Variants in CFAP54 observed in about 807,000 individuals in gnomAD.
CFAP54 encodes cilia- and flagella-associated protein 54.
CFAP54 carries 290 observed loss-of-function variants against 370.4 expected under a neutral mutation model. The observed-to-expected ratio is 0.78, with a 90% CI of 0.71 to 0.86. The LOEUF (loss-of-function observed/expected upper bound fraction) is 0.86. CFAP54 is among the 40% of genes least tolerant of loss of function. The pLI is 0.00. For missense variants in CFAP54, 3,399 were observed against 3,528.7 expected, an observed-to-expected ratio of 0.96 and a Z score of 0.93; for synonymous variants, 1,206 against 1,236.5, an observed-to-expected ratio of 0.98 and a Z score of 0.52.
At chr12:96,636,060 C>A (rs893050068) in intron 32 of CFAP54, among the ~76,000 whole-genome samples, 1 of 152,154 alleles carries the variant, frequency 6.6e-6, no homozygotes, top group Admixed American at 6.5e-5. Flanking sequence ...ATTAAGATAA[C>A]CTATATCCTG....
At chr12:96,791,101 G>T (rs765277408) in intron 62 of CFAP54, among the ~76,000 whole-genome samples, 1 of 151,702 alleles carries the variant, frequency 6.6e-6, no homozygotes, top group Non-Finnish European at 1.5e-5. Flanking sequence ...GAAGTAGAGG[G>T]ACCAATTCCC....
intron 55 of CFAP54, among the ~76,000 whole-genome samples, chr12:96,753,031 G>A (rs1958206863): frequency 1.3e-5 from 2 of 152,166 alleles, no homozygotes; most frequent in Non-Finnish European, 2.9e-5. Context: ...AGGGTGGCTG[G>A]AATGTAGGAC....
chr12:96,853,556 A>G (rs573827336), intron 66 of CFAP54, among the ~76,000 whole-genome samples: 1 of 152,170 alleles, frequency 6.6e-6, no homozygotes, highest in Non-Finnish European at 1.5e-5. Context: ...TTTTACTTAA[A>G]AGAATTTTTA....
intron 26 of CFAP54, among the ~76,000 whole-genome samples, chr12:96,619,377 A>G (rs1410898856): frequency 6.6e-6 from 1 of 152,188 alleles, no homozygotes; most frequent in Non-Finnish European, 1.5e-5. Context: ...TAGGACATGT[A>G]AAACCTGATT....
intron 63 of CFAP54, among the ~76,000 whole-genome samples, chr12:96,801,332 A>G (rs1958817547): frequency 1.3e-5 from 2 of 152,216 alleles, no homozygotes; most frequent in African/African-American, 2.4e-5. Context: ...ATTATCTTTA[A>G]TAGAATATAA....
At chr12:96,531,695 G>A (rs574180062) in intron 9 of CFAP54, among the ~76,000 whole-genome samples, 21 of 151,928 alleles carry the variant, frequency 1.4e-4, no homozygotes, top group East Asian at 1.4e-3. Flanking sequence ...TTAATTATTT[G>A]TTTCAACAAT....
At chr12:96,837,013 G>T (rs1245776682) in intron 66 of CFAP54, among the ~76,000 whole-genome samples, 1 of 151,990 alleles carries the variant, frequency 6.6e-6, no homozygotes, top group East Asian at 1.9e-4. Context: ...ATAGCAATGA[G>T]GTCCCATCGT....
intron 9 of CFAP54, among the ~76,000 whole-genome samples, chr12:96,528,558 C>T (rs1207918067): frequency 6.6e-6 from 1 of 152,088 alleles, no homozygotes; most frequent in East Asian, 1.9e-4. Flanking sequence ...TCTGGTGCAG[C>T]CATCTGTACC....
In CFAP54 at chr12:96,519,017, C is replaced by T. The variant is rs1296238862; in HGVS notation, c.888C>T (p.Leu296=). ...SLRYLTWRAT[L]YTAVCQCCYD... is the part of the protein sequence containing the mutation. ...GGTACTTGACATGGCGCGCTACTCTCTACACAGCTGTTTGCCAGTGCTGCT... is the reference window on the plus strand; with the variant it reads ...GGTACTTGACATGGCGCGCTACTCTTTACACAGCTGTTTGCCAGTGCTGCT... Residue 296 remains leucine (L), a synonymous_variant, in exon 6 of 68, where the codon CTC becomes CTT. Transcript: ENST00000524981. The T allele has an allele frequency of 1.3e-6, 2 of 1,535,850 alleles. No individual in the cohort carries two copies. Among genetic ancestry groups the T allele is most frequent in the African/African-American group, 2.7e-5 (2 of 73,014 alleles).
At position 96,621,875 on chromosome 12, in the gene CFAP54, G is replaced by GTTTGTTTTTTT. The variant is rs1956496257; in HGVS notation, c.3771+157_3771+158insGTTTTTTTTTT. ...ATTATAGTAAAGAGCTTTTGGGTTT[G>GTTTGTTTTTTT]TTTTTTTTTTTTTTTTTTTTTTTTT... On this transcript the variant is annotated intron_variant, in intron 27 of 67. Coordinates refer to ENST00000524981, the MANE Select transcript of CFAP54 (RefSeq NM_001306084.2). Among the ~76,000 whole-genome samples the GTTTGTTTTTTT allele has an allele frequency of 4.2e-3, 212 of 50,042 alleles. 12 individuals carry two copies. Among genetic ancestry groups the GTTTGTTTTTTT allele is most frequent in the Non-Finnish European group, 5.4e-3 (163 of 30,234 alleles). The allele number at this position is 50,042 out of a possible 152,430, so 32.8% of individuals were successfully genotyped here.
intron 35 of CFAP54, 68 bp from the exon 36 acceptor site, chr12:96,651,520 G>A: frequency 7.9e-7 from 1 of 1,259,704 alleles, no homozygotes; most frequent in Non-Finnish European, 1.1e-6. Flanking sequence ...TTTGGAAAAA[G>A]ATGAAGTTGT....
chr12:96,692,010 T>C (rs1007609438), intron 44 of CFAP54, among the ~76,000 whole-genome samples: 25 of 152,092 alleles, frequency 1.6e-4, no homozygotes, highest in African/African-American at 5.8e-4. Flanking sequence ...TTTGCTTCTT[T>C]ACATCTATTC....
At chr12:96,647,328 C>T (rs1354849228) in intron 33 of CFAP54, among the ~76,000 whole-genome samples, 1 of 151,216 alleles carries the variant, frequency 6.6e-6, no homozygotes, top group African/African-American at 2.4e-5. Flanking sequence ...AAAAACTTAG[C>T]CAGGCGTGGT....
In CFAP54 at chr12:96,744,001, A is replaced by G. The variant is rs1958083142; in HGVS notation, c.7558-19A>G. Reference sequence around the variant, plus strand: ...CCACGTCAACTAATTGCTCATTACAATATTTGTTTTTTTAATAGATGCTAG... The same window carrying G: ...CCACGTCAACTAATTGCTCATTACAGTATTTGTTTTTTTAATAGATGCTAG... On this transcript the variant is annotated intron_variant, in intron 54 of 67. Coordinates refer to ENST00000524981, the MANE Select transcript of CFAP54 (RefSeq NM_001306084.2). 2 of 1,605,832 alleles carry G rather than the reference A, an allele frequency of 1.2e-6. No individual in the cohort carries two copies. Among genetic ancestry groups the G allele is most frequent in the Non-Finnish European group, 1.7e-6 (2 of 1,177,622 alleles).
At chr12:96,763,191 C>A (rs1324234123) in intron 58 of CFAP54, among the ~76,000 whole-genome samples, 5 of 151,994 alleles carry the variant, frequency 3.3e-5, no homozygotes, top group Admixed American at 3.3e-4. Context: ...TTGTTCTGTT[C>A]ACTTCTGTAG....
intron 1 of CFAP54, among the ~76,000 whole-genome samples, chr12:96,498,811 A>G (rs1261372355): frequency 1.3e-5 from 2 of 152,204 alleles, no homozygotes; most frequent in East Asian, 1.9e-4. Flanking sequence ...TTTCTGCTCT[A>G]TGAAAGATAC....
intron 1 of CFAP54, among the ~76,000 whole-genome samples, chr12:96,496,151 A>T (rs1201027954): frequency 6.6e-6 from 1 of 152,194 alleles, no homozygotes; most frequent in African/African-American, 2.4e-5. Flanking sequence ...TAAATATATT[A>T]TTAATCAGTT....
At chr12:96,660,377 T>C (rs1812636754) in intron 38 of CFAP54, among the ~76,000 whole-genome samples, 1 of 152,174 alleles carries the variant, frequency 6.6e-6, no homozygotes, top group Non-Finnish European at 1.5e-5. Context: ...TTGGACCCCT[T>C]TTCTTCTCCA....
intron 52 of CFAP54, 100 bp downstream of exon 52, chr12:96,742,686 C>A: frequency 8.5e-7 from 1 of 1,169,718 alleles, no homozygotes; most frequent in Non-Finnish European, 1.2e-6. Context: ...TGTTTTATAA[C>A]TTTCTAGCTT....
Sources: gnomAD v4.1 joint callset for allele counts (sites outside exome capture counted in the v4.1 genomes callset) on GRCh38, gnomAD v4.1.1 for gene constraint, MANE v1.5 for transcripts, NCBI Gene and HGNC (gene_info 2026-07-23, HGNC 2026-07-21) for gene names.